CACNA2D3: variants seen among roughly 807,000 people sequenced by gnomAD.
The protein encoded by CACNA2D3 is calcium voltage-gated channel auxiliary subunit alpha2delta 3, also known as voltage-dependent calcium channel subunit alpha-2/delta-3.
CACNA2D3 carries 60 observed loss-of-function variants against 160.6 expected under a neutral mutation model. The observed-to-expected ratio is 0.37, with a 90% CI of 0.30 to 0.46. CACNA2D3 has a LOEUF of 0.46. Ranked by LOEUF, CACNA2D3 falls within the 20% of genes least tolerant of loss-of-function variation. The probability of loss-of-function intolerance (pLI) is 1.00; values close to 1 mark genes in which losing one functional copy is unlikely to be tolerated. For missense variants in CACNA2D3, 1,205 were observed against 1,365.0 expected, an observed-to-expected ratio of 0.88 and a Z score of 1.85; for synonymous variants, 558 against 492.9, an observed-to-expected ratio of 1.13 and a Z score of -1.75.
At chr3:54,577,701 C>T (rs190503503) in intron 8 of CACNA2D3, among the ~76,000 whole-genome samples, 1 of 152,298 alleles carries the variant, frequency 6.6e-6, no homozygotes. Context: ...GTGCCAGGTT[C>T]TATGTTGACT....
chr3:54,736,140 TACAC>T (rs1215376036), intron 11 of CACNA2D3, among the ~76,000 whole-genome samples: 27 of 80,632 alleles, frequency 3.3e-4, no homozygotes, highest in Admixed American at 6.1e-4. Flanking sequence ...TGTATATATA[TACAC>T]ACACACACAC....
At chr3:54,271,611 C>CT (rs1482679497) in intron 2 of CACNA2D3, among the ~76,000 whole-genome samples, 3 of 152,112 alleles carry the variant, frequency 2.0e-5, no homozygotes, top group South Asian at 2.1e-4. Context: ...GAAAAAGTCA[C>CT]TTTTTTTTCT....
intron 4 of CACNA2D3, among the ~76,000 whole-genome samples, chr3:54,421,798 G>A (rs752290532): frequency 3.3e-5 from 5 of 152,104 alleles, no homozygotes; most frequent in Non-Finnish European, 4.4e-5. Flanking sequence ...GCGACTTCAC[G>A]TTTCAGGATG....
chr3:54,212,679 G>C (rs1577002364), intron 2 of CACNA2D3, among the ~76,000 whole-genome samples: 1 of 152,284 alleles, frequency 6.6e-6, no homozygotes, highest in East Asian at 1.9e-4. Flanking sequence ...TAGTTTTTCA[G>C]GTTAACTTTG....
chr3:54,350,807 T>C (rs1698538865), intron 3 of CACNA2D3, among the ~76,000 whole-genome samples: 8 of 152,082 alleles, frequency 5.3e-5, no homozygotes. Context: ...CCTGTCTGCT[T>C]ACCTGGATGG....
intron 4 of CACNA2D3, among the ~76,000 whole-genome samples, chr3:54,474,532 G>T (rs1355269601): frequency 6.6e-6 from 1 of 151,972 alleles, no homozygotes; most frequent in South Asian, 2.1e-4. Context: ...ATGTATCCCA[G>T]AACTTAAAGT....
At chr3:54,678,292 G>A in intron 11 of CACNA2D3, among the ~76,000 whole-genome samples, 1 of 152,162 alleles carries the variant, frequency 6.6e-6, no homozygotes, top group East Asian at 1.9e-4. Context: ...ATGATTTGAG[G>A]TCTGCTGTTT....
chr3:54,349,299 C>T (rs1323091891), intron 3 of CACNA2D3, among the ~76,000 whole-genome samples: 1 of 152,170 alleles, frequency 6.6e-6, no homozygotes, highest in Admixed American at 6.5e-5. Flanking sequence ...CTGTGGATTG[C>T]ATGCATCCTG....
At position 54,490,224 on chromosome 3, in the gene CACNA2D3, G is replaced by C. The variant is rs143954523; in HGVS notation, c.382-13268G>C. On this transcript the variant is annotated intron_variant, in intron 4 of 37. Coordinates refer to ENST00000474759, the MANE Select transcript of CACNA2D3 (RefSeq NM_018398.3). ...CACTGTGTGGTGACTTGTGTACATT[G>C]TATCCCATTCGATCACAGAAAGACC... 6.5e-3 allele frequency among the ~76,000 whole-genome samples: 996 copies of C among 152,310 alleles called. 8 individuals carry two copies. The highest frequency in any genetic ancestry group is 0.011 in the Non-Finnish European group (776 of 68,016).
rs1252705201 is a variant in CACNA2D3, at chr3:54,522,933, T to TTTATTTATTTAC, written c.544+19282_544+19283insTTTATTTACTTA. On this transcript the variant is annotated intron_variant, in intron 5 of 37. Coordinates refer to ENST00000474759, the MANE Select transcript of CACNA2D3 (RefSeq NM_018398.3). ...ATTTATTTATTTATTTATTTATTTA[T>TTTATTTATTTAC]TTACTTACTTACTTACTTACTTACT... 3.9e-3 allele frequency among the ~76,000 whole-genome samples: 526 copies of TTTATTTATTTAC among 135,398 alleles called. 1 individual carries two copies. Among genetic ancestry groups the TTTATTTATTTAC allele is most frequent in the African/African-American group, 0.014 (481 of 35,514 alleles). 88.8% of individuals were successfully genotyped at this position (135,398 alleles called of 152,430 possible).
chr3:54,176,694 A>G (rs982671066), intron 2 of CACNA2D3, among the ~76,000 whole-genome samples: 1 of 152,130 alleles, frequency 6.6e-6, no homozygotes, highest in Non-Finnish European at 1.5e-5. Context: ...TGACATATTT[A>G]TATCCAGTTT....
chr3:54,716,405 GAAA>G (rs1392259894), intron 11 of CACNA2D3, among the ~76,000 whole-genome samples: 3 of 152,058 alleles, frequency 2.0e-5, no homozygotes, highest in Non-Finnish European at 4.4e-5. Context: ...GGGGAAAGAT[GAAA>G]AAAAGAGGGA....
intron 2 of CACNA2D3, among the ~76,000 whole-genome samples, chr3:54,286,375 G>A (rs985649573): frequency 2.6e-5 from 4 of 152,112 alleles, no homozygotes; most frequent in Admixed American, 6.5e-5. Context: ...GGGAAGTTTA[G>A]AGAAAAAAGA....
chr3:54,999,978 T>A (rs1702944563), intron 31 of CACNA2D3, among the ~76,000 whole-genome samples: 1 of 152,168 alleles, frequency 6.6e-6, no homozygotes, highest in Non-Finnish European at 1.5e-5. Flanking sequence ...GTTTAAAGTT[T>A]CAAAGTTCCA....
chr3:54,408,890 A>G (rs1262451858), intron 4 of CACNA2D3, among the ~76,000 whole-genome samples: 1 of 152,186 alleles, frequency 6.6e-6, no homozygotes, highest in Non-Finnish European at 1.5e-5. Flanking sequence ...GACTCCCACA[A>G]ACTGAGAGGG....
intron 35 of CACNA2D3, among the ~76,000 whole-genome samples, chr3:55,067,571 T>TC (rs1559478793): frequency 6.6e-6 from 1 of 152,220 alleles, no homozygotes; most frequent in African/African-American, 2.4e-5. Flanking sequence ...TAATACATTC[T>TC]CCTTGTAGAG....
chr3:54,953,562 C>G (rs1196864790), intron 27 of CACNA2D3, among the ~76,000 whole-genome samples: 1 of 152,156 alleles, frequency 6.6e-6, no homozygotes, highest in Non-Finnish European at 1.5e-5. Context: ...CTCAGGAGAC[C>G]TTATTCTCTC....
At chr3:54,906,541 C>A (rs577552017) in intron 27 of CACNA2D3, among the ~76,000 whole-genome samples, 13 of 152,286 alleles carry the variant, frequency 8.5e-5, no homozygotes, top group African/African-American at 2.4e-4. Context: ...CCTCCAGTAA[C>A]CTGCAATGAG....
intron 2 of CACNA2D3, among the ~76,000 whole-genome samples, chr3:54,208,180 A>C (rs555262955): frequency 6.6e-6 from 1 of 152,212 alleles, no homozygotes; most frequent in Admixed American, 6.5e-5. Context: ...ATCTCGGCTC[A>C]CTGCAACCTC....
Sources: allele counts gnomAD v4.1 joint callset (sites outside exome capture counted in the v4.1 genomes callset), GRCh38; gene constraint gnomAD v4.1.1; transcripts MANE v1.5; gene names NCBI Gene and HGNC (gene_info 2026-07-23, HGNC 2026-07-21).